Variants in IL12RB1 observed in about 807,000 individuals in gnomAD.
IL12RB1 encodes the protein interleukin 12 receptor subunit beta 1, also known as interleukin-12 receptor subunit beta-1.
A neutral mutation model predicts 94.4 loss-of-function variants in IL12RB1; 64 were observed. The ratio of observed to expected loss-of-function variants is 0.68; its 90% CI spans 0.55 to 0.83. The LOEUF (loss-of-function observed/expected upper bound fraction) is 0.83. IL12RB1 is among the 40% of genes least tolerant of loss of function. The probability of loss-of-function intolerance (pLI) is 0.00; values close to 1 mark genes in which losing one functional copy is unlikely to be tolerated. For missense variants in IL12RB1, 814 were observed against 855.6 expected, an observed-to-expected ratio of 0.95 and a Z score of 0.61; for synonymous variants, 362 against 355.5, an observed-to-expected ratio of 1.02 and a Z score of -0.21.
chr19:18,062,014 G>A (rs1216805665), intron 14 of IL12RB1, among the ~76,000 whole-genome samples, 167 bp downstream of exon 14: 1 of 152,210 alleles, frequency 6.6e-6, no homozygotes. Context: ...CAGTCACGGA[G>A]CTATAACTGC....
chr19:18,064,459 C>T lies in IL12RB1; in HGVS notation c.1484-449G>A, dbSNP rs73526150. On this transcript the variant is annotated intron_variant, in intron 12 of 16. Coordinates refer to ENST00000593993, the MANE Select transcript of IL12RB1 (RefSeq NM_005535.3). ...CAACCTAAAATCTCTTCTCTTAATG[C>T]GCCCATTCATCTCAAGATTTTTTTT... Among the ~76,000 whole-genome samples the T allele has an allele frequency of 4.4e-3, 636 of 144,720 alleles. 3 individuals are homozygous for T. Among genetic ancestry groups the T allele is most frequent in the African/African-American group, 0.011 (458 of 40,034 alleles). The allele number at this position is 144,720 out of a possible 152,430, so 94.9% of individuals were successfully genotyped here.
rs1478711009 is a variant in IL12RB1 at position 18,073,500 on chromosome 19, T to TGTGACAGCCCC, written c.783+6_783+16dup. On this transcript the variant is annotated intron_variant, in intron 8 of 16. Coordinates refer to ENST00000593993, the MANE Select transcript of IL12RB1 (RefSeq NM_005535.3). ...CCCATCCCAGGCCACCCCACAGCCC[T>TGTGACAGCCCC]GTGACAGCCCCGTTACCTGCTCTTT... 1 of 1,547,354 alleles carries TGTGACAGCCCC rather than the reference T, an allele frequency of 6.5e-7. No individual in the cohort carries two copies. The highest frequency in any genetic ancestry group is 2.2e-5 in the East Asian group (1 of 44,552).
chr19:18,079,707 A>G (rs1227759913), intron 4 of IL12RB1, among the ~76,000 whole-genome samples: 1 of 151,804 alleles, frequency 6.6e-6, no homozygotes, highest in Non-Finnish European at 1.5e-5. Flanking sequence ...CAGGAGATCG[A>G]GACCACGGTG....
At chr19:18,063,419 T>C (rs972377160) in intron 13 of IL12RB1, among the ~76,000 whole-genome samples, 7 of 151,984 alleles carry the variant, frequency 4.6e-5, no homozygotes, top group Admixed American at 3.9e-4. Context: ...CTCCTTATTT[T>C]TGCATTCATT....
intron 13 of IL12RB1, among the ~76,000 whole-genome samples, chr19:18,062,811 C>A (rs1038782700): frequency 6.6e-6 from 1 of 151,980 alleles, no homozygotes; most frequent in African/African-American, 2.4e-5. Flanking sequence ...CAGGAGCCTG[C>A]ACATAGGGCA....
chr19:18,065,373 A>G (rs370028939), intron 12 of IL12RB1, among the ~76,000 whole-genome samples: 1 of 152,212 alleles, frequency 6.6e-6, no homozygotes, highest in East Asian at 1.9e-4. Context: ...TGAATCCAAT[A>G]CACCATAAGC....
In IL12RB1 at chr19:18,072,140, C is replaced by A. The variant is rs142427383; in HGVS notation, c.993G>T (p.Thr331=). 28 of 1,613,932 alleles carry A rather than the reference C, an allele frequency of 1.7e-5. No homozygotes were observed. The highest frequency in any genetic ancestry group is 2.3e-5 in the Non-Finnish European group (27 of 1,179,816). The change falls in exon 9 of 17, where the codon ACG becomes ACT. Residue 331 remains threonine (T), a synonymous_variant. Transcript: ENST00000593993. Reference sequence around the variant, plus strand: ...TGTGGGTGTCGGCAGGAATGTGCCACGTCTGGTTCAGGCCAGGACCAAATT... The same window carrying A: ...TGTGGGTGTCGGCAGGAATGTGCCAAGTCTGGTTCAGGCCAGGACCAAATT... ...SNQFGPGLNQ[T]WHIPADTHTE...
chr19:18,068,785 G>T (rs2034791418), intron 10 of IL12RB1, among the ~76,000 whole-genome samples: 1 of 139,704 alleles, frequency 7.2e-6, no homozygotes, highest in African/African-American at 2.7e-5. Flanking sequence ...GTCTCGCTGT[G>T]TCACCCAGGC....
At position 18,061,129 on chromosome 19, in the gene IL12RB1, C is replaced by T; in HGVS notation, c.1784G>A (p.Gly595Glu). 6.3e-7 allele frequency: 1 copy of T among 1,577,962 alleles called. No homozygotes were observed. The highest frequency in any genetic ancestry group is 8.7e-7 in the Non-Finnish European group (1 of 1,151,178). ...TAGAAAAGGCATCCTTACCTCCTTC[C>T]CTCCAGGGAACTCAATGGCGGAGCT... ...CASSAIEFPG[G>E]KETWQWINPV... Residue 595 changes from glycine to glutamate, a missense_variant, in exon 15 of 17, where the codon GGG becomes GAG. Gly to Glu is a moderately conservative substitution (Grantham distance 98, BLOSUM62 -2). Transcript: ENST00000593993.
Position 18,060,045 on chromosome 19 carries a change from G to T in IL12RB1, c.1832C>A (p.Ala611Glu), listed in dbSNP as rs544608972. 2 of 1,606,398 alleles carry T rather than the reference G, an allele frequency of 1.2e-6. No individual in the cohort carries two copies. The highest frequency in any genetic ancestry group is 1.7e-6 in the Non-Finnish European group (2 of 1,174,174). ...TACCACCAGGGCCTCCTGCAGGGATGCCTCTTCCTGGAAGTCCACTGGGTT... is the reference window on the plus strand; with the variant it reads ...TACCACCAGGGCCTCCTGCAGGGATTCCTCTTCCTGGAAGTCCACTGGGTT... Reference protein sequence around the residue: ...WINPVDFQEEASLQEALVVEM... With the variant: ...WINPVDFQEEESLQEALVVEM... The change falls in exon 16 of 17, where the codon GCA becomes GAA. Residue 611 changes from alanine to glutamate, a missense_variant. Physicochemically the swap from Ala to Glu is moderately radical, Grantham distance 107. Transcript: ENST00000593993.
Position 18,068,494 on chromosome 19 carries a change from T to G in IL12RB1, c.1222A>C (p.Met408Leu), listed in dbSNP as rs780762892. The G allele has an allele frequency of 6.2e-7, 1 of 1,612,564 alleles. No homozygotes were observed. The highest frequency in any genetic ancestry group is 1.3e-5 in the African/African-American group (1 of 74,934). ...ATGTAGTAACACTTTTCCTGCCCCA[T>G]TGCCCCAGACTCTCGACTCCAGCTG... ...TYSWSRESGA[M>L]GQEKCYYITI... Residue 408 changes from methionine (M) to leucine (L), a missense_variant, in exon 11 of 17, where the codon ATG (methionine) becomes CTG (leucine). Coordinates refer to ENST00000593993, the MANE Select transcript of IL12RB1 (RefSeq NM_005535.3).
At chr19:18,085,220 G>A (rs988676132) in intron 1 of IL12RB1, among the ~76,000 whole-genome samples, 1 of 152,118 alleles carries the variant, frequency 6.6e-6, no homozygotes, top group African/African-American at 2.4e-5. Flanking sequence ...GAAGCCTTGG[G>A]GGAGAAGGCG....
rs1430256096 is a variant in IL12RB1 at position 18,083,878 on chromosome 19, TCCAA to T, written c.65-391_65-388del. Among the ~76,000 whole-genome samples the T allele has an allele frequency of 4.1e-5, 6 of 145,166 alleles. No homozygotes were observed. The East Asian group carries it at 1.3e-3, about 31-fold the overall frequency. ...ATCCACTCATCTACCCATCCATCTA[TCCAA>T]CCATCCATGTATTCATTCATCCATC... is the stretch of plus-strand genomic sequence containing the variant. On this transcript the variant is annotated intron_variant, in intron 1 of 16. Coordinates refer to ENST00000593993, the MANE Select transcript of IL12RB1 (RefSeq NM_005535.3).
upstream of IL12RB1, among the ~76,000 whole-genome samples, chr19:18,090,298 T>C (rs2036574656): frequency 6.6e-6 from 1 of 152,054 alleles, no homozygotes; most frequent in South Asian, 2.1e-4. Context: ...TGAGCTCTAA[T>C]TGCGCCACTG....
intron 1 of IL12RB1, among the ~76,000 whole-genome samples, chr19:18,084,936 G>C (rs1341835100): frequency 2.0e-5 from 3 of 152,262 alleles, no homozygotes; most frequent in African/African-American, 7.2e-5. Context: ...GGGAAAGACA[G>C]TAGAGGGTGC....
upstream of IL12RB1, among the ~76,000 whole-genome samples, chr19:18,088,404 T>C (rs113036317): frequency 7.3e-6 from 1 of 137,736 alleles, no homozygotes; most frequent in Non-Finnish European, 1.5e-5. Flanking sequence ...TATATATATA[T>C]AAATTAAAAG....
rs1240640901 is a variant in IL12RB1, at chr19:18,073,513, T to C, written c.783+4A>G. The C allele has an allele frequency of 2.5e-6, 4 of 1,590,420 alleles. No individual in the cohort carries two copies. The highest frequency in any genetic ancestry group is 3.5e-6 in the Non-Finnish European group (4 of 1,158,650). On this transcript the variant is annotated splice_donor_region_variant and intron_variant, in intron 8 of 16. Transcript: ENST00000593993. ...ACCCCACAGCCCTGTGACAGCCCCG[T>C]TACCTGCTCTTTCAGGGTCAGCCGC...
intron 1 of IL12RB1, chr19:18,097,796 G>A (rs1351069106): frequency 3.3e-6 from 4 of 1,222,966 alleles, no homozygotes; most frequent in Non-Finnish European, 4.1e-6. Flanking sequence ...CCGGGCCATG[G>A]ACGAGTCGAG....
chr19:18,078,751 C>T (rs1034767886), intron 4 of IL12RB1, among the ~76,000 whole-genome samples: 2 of 152,044 alleles, frequency 1.3e-5, no homozygotes, highest in African/African-American at 4.8e-5. Flanking sequence ...TTTCAAGGAA[C>T]CTGACCCAAG....
Sources: allele counts gnomAD v4.1 joint callset (sites outside exome capture counted in the v4.1 genomes callset), GRCh38; gene constraint gnomAD v4.1.1; transcripts MANE v1.5; gene names NCBI Gene and HGNC (gene_info 2026-07-23, HGNC 2026-07-21).